The following ASIC2 variants were observed in gnomAD, a reference collection of about 807,000 sequenced individuals.
The protein encoded by ASIC2 is acid sensing ion channel subunit 2.
In ASIC2, 25 loss-of-function variants were observed where a neutral mutation model predicts 57.3. The ratio of observed to expected loss-of-function variants is 0.44; its 90% CI spans 0.32 to 0.61. The LOEUF is 0.61. ASIC2 is among the 20% of genes least tolerant of loss of function. The probability of loss-of-function intolerance (pLI) is 0.06; values close to 1 mark genes in which losing one functional copy is unlikely to be tolerated. For synonymous variants in ASIC2, 319 were observed against 307.5 expected (o/e 1.04, Z -0.39); for missense variants, 641 against 738.1 (o/e 0.87, Z 1.52).
intron 1 of ASIC2, among the ~76,000 whole-genome samples, chr17:33,426,447 C>T (rs1911224423): frequency 6.6e-6 from 1 of 152,218 alleles, no homozygotes; most frequent in Admixed American, 6.5e-5. Context: ...AACTCTTGAC[C>T]ACCACAAAAC....
intron 1 of ASIC2, among the ~76,000 whole-genome samples, chr17:33,564,415 TA>T (rs2141986466): frequency 6.6e-6 from 1 of 152,366 alleles, no homozygotes; most frequent in African/African-American, 2.4e-5. Flanking sequence ...ATCAAGCCCT[TA>T]ATCCCAGAGA....
intron 1 of ASIC2, among the ~76,000 whole-genome samples, chr17:34,090,430 T>TG (rs1383710137): frequency 7.0e-6 from 1 of 143,170 alleles, no homozygotes; most frequent in Non-Finnish European, 1.5e-5. Flanking sequence ...TGCACTGGAG[T>TG]AAGAATCAGA....
chr17:33,814,059 A>G (rs1822628717), intron 1 of ASIC2, among the ~76,000 whole-genome samples: 1 of 152,066 alleles, frequency 6.6e-6, no homozygotes. Context: ...TGTGGCTGGC[A>G]AGAGTGGGGA....
At chr17:33,395,453 T>C (rs1910043144) in intron 1 of ASIC2, among the ~76,000 whole-genome samples, 1 of 152,060 alleles carries the variant, frequency 6.6e-6, no homozygotes, top group Non-Finnish European at 1.5e-5. Context: ...AATCATCAGA[T>C]TTTGTGAGAC....
At chr17:33,653,673 G>A (rs1165900027) in intron 1 of ASIC2, among the ~76,000 whole-genome samples, 1 of 152,156 alleles carries the variant, frequency 6.6e-6, no homozygotes, top group Non-Finnish European at 1.5e-5. Flanking sequence ...GCTTAAGGAA[G>A]CAATGGATTG....
At chr17:33,514,787 C>G (rs1258878015) in intron 1 of ASIC2, among the ~76,000 whole-genome samples, 1 of 152,250 alleles carries the variant, frequency 6.6e-6, no homozygotes, top group Non-Finnish European at 1.5e-5. Flanking sequence ...TCATGGGCTA[C>G]TCCACCTTCT....
chr17:33,606,304 G>A (rs944188682), intron 1 of ASIC2, among the ~76,000 whole-genome samples: 13 of 152,168 alleles, frequency 8.5e-5, no homozygotes, highest in Non-Finnish European at 1.5e-5. Context: ...TTAGACCTCA[G>A]TTCCCACATC....
Position 34,136,408 on chromosome 17 carries a change from A to G in ASIC2, c.555+19570T>C, listed in dbSNP as rs572441214. 4.6e-5 allele frequency among the ~76,000 whole-genome samples: 7 copies of G among 152,260 alleles called. No individual in the cohort carries two copies. The South Asian group carries it at 1.5e-3, about 32-fold the overall frequency. On this transcript the variant is annotated intron_variant, in intron 1 of 9. Transcript: ENST00000359872. ...ACCTTTTAAGAGACATTTACTATCCATTATCTCTGAAGCCCCTTACCTAGA... is the reference window on the plus strand; with the variant it reads ...ACCTTTTAAGAGACATTTACTATCCGTTATCTCTGAAGCCCCTTACCTAGA...
At chr17:33,592,900 A>G (rs1286511482) in intron 1 of ASIC2, among the ~76,000 whole-genome samples, 2 of 152,194 alleles carry the variant, frequency 1.3e-5, no homozygotes, top group African/African-American at 4.8e-5. Flanking sequence ...TCTTCTTTCC[A>G]TTCTGCTGTG....
chr17:33,203,407 T>A (rs1906951576), intron 1 of ASIC2, among the ~76,000 whole-genome samples: 1 of 152,230 alleles, frequency 6.6e-6, no homozygotes, highest in Non-Finnish European at 1.5e-5. Flanking sequence ...GAGGACTGAC[T>A]GGAGCCCTCA....
chr17:33,556,208 C>A (rs1915902849), intron 1 of ASIC2, among the ~76,000 whole-genome samples: 1 of 152,176 alleles, frequency 6.6e-6, no homozygotes, highest in South Asian at 2.1e-4. Context: ...TATCAACCCA[C>A]CTTGGACTTC....
intron 1 of ASIC2, among the ~76,000 whole-genome samples, chr17:33,144,128 T>C (rs537761979): frequency 6.6e-6 from 1 of 151,596 alleles, no homozygotes; most frequent in African/African-American, 2.4e-5. Context: ...GCCAATCAGT[T>C]ACTTTTCTGG....
At chr17:33,655,923 A>T (rs1907060558) in intron 1 of ASIC2, among the ~76,000 whole-genome samples, 2 of 152,070 alleles carry the variant, frequency 1.3e-5, no homozygotes, top group Non-Finnish European at 2.9e-5. Flanking sequence ...CAGTGATCTC[A>T]TTCCTGTTTC....
intron 1 of ASIC2, among the ~76,000 whole-genome samples, chr17:33,114,943 T>C (rs2092274953): frequency 6.6e-6 from 1 of 152,118 alleles, no homozygotes; most frequent in Admixed American, 6.5e-5. Context: ...GAACTTCAAT[T>C]GATCATTGAC....
At chr17:33,698,784 A>T (rs1022704757) in intron 1 of ASIC2, among the ~76,000 whole-genome samples, 3 of 152,078 alleles carry the variant, frequency 2.0e-5, no homozygotes, top group African/African-American at 7.2e-5. Context: ...GTGAGGCTGA[A>T]TGGGGTCTAT....
intron 1 of ASIC2, among the ~76,000 whole-genome samples, chr17:33,971,693 T>A (rs1905233370): frequency 6.6e-6 from 1 of 152,284 alleles, no homozygotes; most frequent in Admixed American, 6.5e-5. Flanking sequence ...CTATTTCATC[T>A]GTATTTGTGA....
intron 1 of ASIC2, among the ~76,000 whole-genome samples, chr17:33,675,041 T>C (rs1907773914): frequency 6.6e-6 from 1 of 152,218 alleles, no homozygotes; most frequent in South Asian, 2.1e-4. Flanking sequence ...GACACAATAG[T>C]TACACAAATA....
chr17:33,516,332 G>A (rs1914565671), intron 1 of ASIC2, among the ~76,000 whole-genome samples: 1 of 151,764 alleles, frequency 6.6e-6, no homozygotes, highest in Non-Finnish European at 1.5e-5. Flanking sequence ...CAGCGTATGA[G>A]TGTGTGTGTT....
intron 1 of ASIC2, among the ~76,000 whole-genome samples, chr17:33,459,033 A>G (rs2881564): frequency 0.36 from 53,928 of 151,498 alleles, 9,795 homozygotes; most frequent in Middle Eastern, 0.48. Flanking sequence ...TTCTGGTTGA[A>G]ATACTAAAAC....
Sources: gnomAD v4.1 joint callset for allele counts (sites outside exome capture counted in the v4.1 genomes callset) on GRCh38, gnomAD v4.1.1 for gene constraint, MANE v1.5 for transcripts, NCBI Gene and HGNC (gene_info 2026-07-23, HGNC 2026-07-21) for gene names.